RORA: variants seen among roughly 807,000 people sequenced by gnomAD.
The protein encoded by RORA is RAR related orphan receptor A.
In RORA, 7 loss-of-function variants were observed where a neutral mutation model predicts 69.5. The observed-to-expected ratio is 0.10, with a 90% confidence interval of 0.06 to 0.19. The LOEUF is 0.19. Ranked by LOEUF, RORA falls within the 10% of genes least tolerant of loss-of-function variation. The pLI, the probability that RORA is intolerant of heterozygous loss-of-function variation, is 1.00. For synonymous variants in RORA, 261 were observed against 240.8 expected (o/e 1.08, Z -0.78); for missense variants, 457 against 663.0 (o/e 0.69, Z 3.41).
intron 1 of RORA, among the ~76,000 whole-genome samples, chr15:61,016,241 G>C (rs1358772467): frequency 6.6e-6 from 1 of 152,168 alleles, no homozygotes; most frequent in Non-Finnish European, 1.5e-5. Context: ...AGGGAATTTA[G>C]ATGAGATAAT....
At chr15:60,610,017 C>T (rs767113314) in intron 2 of RORA, among the ~76,000 whole-genome samples, 13 of 151,994 alleles carry the variant, frequency 8.6e-5, no homozygotes, top group Admixed American at 4.6e-4. Context: ...TCGAGAGAGC[C>T]GTTTGAAGCT....
At chr15:61,219,441 G>A (rs934614879) in intron 1 of RORA, among the ~76,000 whole-genome samples, 1 of 152,192 alleles carries the variant, frequency 6.6e-6, no homozygotes, top group African/African-American at 2.4e-5. Flanking sequence ...TGGGCGCGGT[G>A]GCTGGCGCCT....
intron 5 of RORA, among the ~76,000 whole-genome samples, chr15:60,506,538 A>G (rs2065507647): frequency 6.6e-6 from 1 of 152,114 alleles, no homozygotes; most frequent in African/African-American, 2.4e-5. Context: ...AGAAAGAAAA[A>G]AGTAATTGAA....
chr15:60,556,901 G>C lies in RORA; in HGVS notation c.197-25050C>G, dbSNP rs200603078. ...TCCTTATCTTCCTTTTGTGAATATG[G>C]TGGCTTGCCATTCTGCCTCCAGGAA... On this transcript the variant is annotated intron_variant, in intron 2 of 10. Coordinates refer to ENST00000335670, the MANE Select transcript of RORA (RefSeq NM_134261.3). 61 of 1,613,502 alleles carry C rather than the reference G, an allele frequency of 3.8e-5. No homozygotes were observed. Among genetic ancestry groups the C allele is most frequent in the Middle Eastern group, 1.6e-4 (1 of 6,084 alleles).
intron 1 of RORA, among the ~76,000 whole-genome samples, chr15:60,911,783 GC>G (rs932196170): frequency 6.8e-6 from 1 of 146,748 alleles, no homozygotes. Context: ...CACTGCAATT[GC>G]CAACTTCTGT....
rs7168511 is a variant in RORA, at chr15:61,147,854, G to A, written c.166+81199C>T. ...TGTATAAGCCCAACCTGTTCACTGTGTATCATGCAGAGGAAACAGGCAGAA... is the reference window on the plus strand; with the variant it reads ...TGTATAAGCCCAACCTGTTCACTGTATATCATGCAGAGGAAACAGGCAGAA... On this transcript the variant is annotated intron_variant, in intron 1 of 10. Coordinates refer to ENST00000335670, the MANE Select transcript of RORA (RefSeq NM_134261.3). This position sits in a 1 kb window ranked among gnomAD's most constrained non-coding sequence, Gnocchi z 4.1. Among the ~76,000 whole-genome samples, 17,674 of 151,828 alleles carry A rather than the reference G, an allele frequency of 0.12. 1,263 individuals are homozygous for A. Among genetic ancestry groups the A allele is most frequent in the Non-Finnish European group, 0.17 (11,289 of 67,918 alleles).
chr15:61,009,354 T>G (rs1364321014), intron 1 of RORA, among the ~76,000 whole-genome samples: 1 of 152,192 alleles, frequency 6.6e-6, no homozygotes, highest in Admixed American at 6.5e-5. Flanking sequence ...CAGCCCTCGT[T>G]TCACTCTAAT....
At chr15:60,730,490 G>T (rs1362922294) in intron 1 of RORA, among the ~76,000 whole-genome samples, 1 of 152,198 alleles carries the variant, frequency 6.6e-6, no homozygotes, top group Non-Finnish European at 1.5e-5. Flanking sequence ...AAAAAATGCA[G>T]TAGTATGTAG....
chr15:61,187,559 C>A (rs1486077164), intron 1 of RORA, among the ~76,000 whole-genome samples: 1 of 152,202 alleles, frequency 6.6e-6, no homozygotes, highest in African/African-American at 2.4e-5. Context: ...TCAACACGGC[C>A]TCTGCATAAC....
At chr15:61,092,329 GT>G (rs2078720115) in intron 1 of RORA, among the ~76,000 whole-genome samples, 1 of 152,230 alleles carries the variant, frequency 6.6e-6, no homozygotes, top group Non-Finnish European at 1.5e-5. Context: ...GAAACTTCTA[GT>G]TTTTAGGTCT....
At chr15:60,686,548 G>A (rs556462008) in intron 1 of RORA, among the ~76,000 whole-genome samples, 60 of 152,320 alleles carry the variant, frequency 3.9e-4, no homozygotes, top group African/African-American at 1.4e-3. Flanking sequence ...GGGCAGAGGT[G>A]TGAACTGATA....
chr15:60,614,136 G>A (rs1359964079), intron 2 of RORA, among the ~76,000 whole-genome samples: 1 of 152,048 alleles, frequency 6.6e-6, no homozygotes, highest in African/African-American at 2.4e-5. Flanking sequence ...GTGAAAAATA[G>A]AGAATTGTGT....
At position 60,912,476 on chromosome 15, in the gene RORA, C is replaced by T. The variant is rs192398202; in HGVS notation, c.167-233790G>A. Among the ~76,000 whole-genome samples, 20 of 151,930 alleles carry T rather than the reference C, an allele frequency of 1.3e-4. 1 individual carries two copies. In the East Asian group the frequency reaches 1.7e-3, roughly 13 times the overall value. On this transcript the variant is annotated intron_variant, in intron 1 of 10. Coordinates refer to ENST00000335670, the MANE Select transcript of RORA (RefSeq NM_134261.3). ...AAAAACAAAAAAATCACCACCTCGC[C>T]GGGCATGGTGGCTCACACCTGCAAT...
At chr15:60,994,589 G>A (rs995808243) in intron 1 of RORA, among the ~76,000 whole-genome samples, 1 of 152,184 alleles carries the variant, frequency 6.6e-6, no homozygotes, top group Non-Finnish European at 1.5e-5. Context: ...GTCCTTGTAG[G>A]AGGATTTGAG....
intron 1 of RORA, among the ~76,000 whole-genome samples, chr15:61,107,717 T>C (rs910773067): frequency 6.6e-6 from 1 of 151,980 alleles, no homozygotes; most frequent in Admixed American, 6.6e-5. Context: ...GGCCCTTGAA[T>C]AAAATTTCAT....
intron 1 of RORA, among the ~76,000 whole-genome samples, chr15:60,792,947 C>T (rs1363967939): frequency 2.0e-5 from 3 of 151,814 alleles, no homozygotes; most frequent in Non-Finnish European, 4.4e-5. Flanking sequence ...GACACATTGC[C>T]TCTTTGTCAC....
chr15:60,567,410 A>AT (rs1368510747), intron 2 of RORA, among the ~76,000 whole-genome samples: 75 of 148,206 alleles, frequency 5.1e-4, no homozygotes, highest in African/African-American at 1.3e-3. Context: ...TATTATTATT[A>AT]TTATTATTTT....
intron 1 of RORA, among the ~76,000 whole-genome samples, chr15:61,109,786 C>T (rs1474716116): frequency 1.3e-5 from 2 of 152,142 alleles, no homozygotes; most frequent in Non-Finnish European, 2.9e-5. Flanking sequence ...ATTTACCTTC[C>T]CAGTGCCTCA....
intron 2 of RORA, among the ~76,000 whole-genome samples, chr15:60,621,661 A>G (rs2069410885): frequency 6.6e-6 from 1 of 152,160 alleles, no homozygotes; most frequent in African/African-American, 2.4e-5. Flanking sequence ...GGGGAACAGT[A>G]TTGTATCAAT....
Sources: allele counts gnomAD v4.1 joint callset (sites outside exome capture counted in the v4.1 genomes callset), GRCh38; gene constraint gnomAD v4.1.1; non-coding constraint Gnocchi (gnomAD v3.1); transcripts MANE v1.5; gene names NCBI Gene and HGNC (gene_info 2026-07-23, HGNC 2026-07-21).